The following ANKRD12 variants were observed in gnomAD, a reference collection of about 807,000 sequenced individuals.
ANKRD12 encodes ankyrin repeat domain-containing protein 12.
In ANKRD12, 85 loss-of-function variants were observed where a neutral mutation model predicts 183.4. The observed-to-expected ratio is 0.46, with a 90% CI of 0.39 to 0.56. The LOEUF (loss-of-function observed/expected upper bound fraction) is 0.56, where lower values mean the gene tolerates loss of function less well. Ranked by LOEUF, ANKRD12 falls within the 20% of genes least tolerant of loss-of-function variation. ANKRD12 has a pLI of 0.00. For synonymous variants in ANKRD12, 914 were observed against 800.2 expected, an observed-to-expected ratio of 1.14 and a Z score of -2.40; for missense variants, 2,405 against 2,357.1, an observed-to-expected ratio of 1.02 and a Z score of -0.42.
chr18:9,138,830 G>A (rs1378853812), intron 1 of ANKRD12, among the ~76,000 whole-genome samples: 1 of 152,188 alleles, frequency 6.6e-6, no homozygotes. Context: ...GGGGAGAAAA[G>A]TTTTACTACT....
At position 9,226,699 on chromosome 18, in the gene ANKRD12, C is replaced by T. The variant is rs190642497; in HGVS notation, c.943+4700C>T. On this transcript the variant is annotated intron_variant, in intron 8 of 12. Transcript: ENST00000262126. ...AGCAGCACCTAGACTGTGTGAACTC[C>T]ATTTACATCATCAAAGGAAGGAGAT... 1.5e-3 allele frequency among the ~76,000 whole-genome samples: 229 copies of T among 151,976 alleles called. 4 individuals are homozygous for T. The East Asian group carries it at 0.038, about 25-fold the overall frequency.
intron 10 of ANKRD12, among the ~76,000 whole-genome samples, chr18:9,265,779 T>C (rs2039252836): frequency 6.6e-6 from 1 of 152,000 alleles, no homozygotes; most frequent in Non-Finnish European, 1.5e-5. Flanking sequence ...GATAATGACT[T>C]TTACGAGTTA....
chr18:9,162,460 T>G (rs950408856), intron 1 of ANKRD12, among the ~76,000 whole-genome samples: 1 of 152,186 alleles, frequency 6.6e-6, no homozygotes, highest in African/African-American at 2.4e-5. Context: ...TTGATGGGCA[T>G]TGGGGTTGAT....
At chr18:9,231,600 G>A (rs935801587) in intron 8 of ANKRD12, among the ~76,000 whole-genome samples, 1 of 151,942 alleles carries the variant, frequency 6.6e-6, no homozygotes, top group African/African-American at 2.4e-5. Context: ...GGCCGAGGTG[G>A]GTGGATCATG....
At chr18:9,259,797 G>A (rs975663441) in intron 9 of ANKRD12, 1 of 152,206 alleles carries the variant, frequency 6.6e-6, no homozygotes. Flanking sequence ...CCCACTGTGT[G>A]ATCTTAATTA....
intron 8 of ANKRD12, among the ~76,000 whole-genome samples, chr18:9,241,605 T>G (rs985519451): frequency 3.3e-5 from 5 of 152,182 alleles, no homozygotes; most frequent in Admixed American, 2.6e-4. Flanking sequence ...AAATAGGCAC[T>G]TAGGTATCTG....
chr18:9,263,042 C>T (rs1007285501), intron 9 of ANKRD12, among the ~76,000 whole-genome samples: 2 of 151,742 alleles, frequency 1.3e-5, no homozygotes, highest in Non-Finnish European at 2.9e-5. Flanking sequence ...GTGATCCACC[C>T]ATCTTGGCCT....
chr18:9,159,526 G>C (rs1034187679), intron 1 of ANKRD12, among the ~76,000 whole-genome samples: 3 of 152,070 alleles, frequency 2.0e-5, no homozygotes, highest in Non-Finnish European at 1.5e-5. Context: ...CTGCCTCCCG[G>C]GTTCCTGCCA....
chr18:9,271,745 T>G (rs117598892), intron 10 of ANKRD12, among the ~76,000 whole-genome samples: 5,505 of 152,318 alleles, frequency 0.036, 141 homozygotes, highest in Middle Eastern at 0.12. Flanking sequence ...TATTTGTGAT[T>G]TCTATGAATG....
At position 9,211,641 on chromosome 18, in the gene ANKRD12, C is replaced by T; in HGVS notation, c.509C>T (p.Ser170Phe). The change falls in exon 6 of 13, where the codon TCT becomes TTT. Residue 170 changes from serine (S) to phenylalanine (F), a missense_variant. By Grantham distance (155) the Ser-to-Phe change is radical (BLOSUM62 -2). Coordinates refer to ENST00000262126, the MANE Select transcript of ANKRD12 (RefSeq NM_015208.5). ...CCTGCCCAAAAGAAAACTCCCAGTT[C>T]TTCATCTCGACAGAAAGATAAAGTT... is the stretch of plus-strand genomic sequence containing the variant. ...TTPAQKKTPS[S>F]SSRQKDKVNK... 1.2e-6 allele frequency: 2 copies of T among 1,613,846 alleles called. No homozygotes were observed. Among genetic ancestry groups the T allele is most frequent in the Non-Finnish European group, 1.7e-6 (2 of 1,179,866 alleles).
intron 7 of ANKRD12, 125 bp from the exon 8 acceptor site, chr18:9,221,727 G>A (rs1201829904): frequency 9.9e-6 from 9 of 911,794 alleles, no homozygotes; most frequent in African/African-American, 1.7e-5. Context: ...AGAGTAGATG[G>A]TGAGGAATGG....
chr18:9,178,079 A>G (rs1054066496), intron 1 of ANKRD12, among the ~76,000 whole-genome samples: 5 of 152,134 alleles, frequency 3.3e-5, no homozygotes, highest in Admixed American at 3.3e-4. Context: ...CTGGCTTTTC[A>G]TTTTCTTAAC....
In ANKRD12 at chr18:9,149,178, T is replaced by A. The variant is rs79655584; in HGVS notation, c.-52+12213T>A. Among the ~76,000 whole-genome samples, 76 of 152,308 alleles carry A rather than the reference T, an allele frequency of 5.0e-4. 1 individual carries two copies. In the East Asian group the frequency reaches 0.014, roughly 28 times the overall value. ...TATTCTGCATGGTAACTAAATTGTCTTTTTTCTGTTAAAAACTGTCAGTTC... is the reference window on the plus strand; with the variant it reads ...TATTCTGCATGGTAACTAAATTGTCATTTTTCTGTTAAAAACTGTCAGTTC... On this transcript the variant is annotated intron_variant, in intron 1 of 12. Transcript: ENST00000262126.
At chr18:9,278,330 C>T (rs1172172275) in intron 11 of ANKRD12, among the ~76,000 whole-genome samples, 1 of 152,138 alleles carries the variant, frequency 6.6e-6, no homozygotes, top group Non-Finnish European at 1.5e-5. Context: ...TCAGATCATC[C>T]ATTAGTCTAC....
At chr18:9,148,383 T>C (rs932673890) in intron 1 of ANKRD12, among the ~76,000 whole-genome samples, 1 of 152,202 alleles carries the variant, frequency 6.6e-6, no homozygotes, top group Non-Finnish European at 1.5e-5. Flanking sequence ...ATTGTAAATA[T>C]AACTGCCCAT....
intron 2 of ANKRD12, among the ~76,000 whole-genome samples, chr18:9,189,505 A>G (rs1270552473): frequency 6.6e-6 from 1 of 152,254 alleles, no homozygotes; most frequent in East Asian, 1.9e-4. Context: ...GATACCATGT[A>G]GGACTTTGAA....
At position 9,208,819 on chromosome 18, in the gene ANKRD12, A is replaced by G. The variant is rs778673732; in HGVS notation, c.451+16A>G. ...AACAGTCCAGGTGATACCTACCATC[A>G]TTGAGTTAATGTGTATCCCTAGTTT... On this transcript the variant is annotated intron_variant, in intron 5 of 12. Transcript: ENST00000262126. 41 of 1,528,038 alleles carry G rather than the reference A, an allele frequency of 2.7e-5. No homozygotes were observed. Among genetic ancestry groups the G allele is most frequent in the Admixed American group, 4.0e-5 (2 of 50,298 alleles). The allele number at this position is 1,528,038 out of a possible 1,614,324, so 94.7% of individuals were successfully genotyped here. A position where few individuals can be genotyped will look rare whatever the true frequency, so the allele number is the denominator to read the frequency against.
intron 1 of ANKRD12, among the ~76,000 whole-genome samples, chr18:9,150,684 C>T (rs1052250346): frequency 3.9e-5 from 6 of 151,930 alleles, no homozygotes; most frequent in Admixed American, 3.3e-4. Context: ...GACGGAGTCT[C>T]GCCCTGTTGC....
intron 1 of ANKRD12, among the ~76,000 whole-genome samples, chr18:9,157,034 C>T (rs2143687669): frequency 6.6e-6 from 1 of 152,272 alleles, no homozygotes; most frequent in African/African-American, 2.4e-5. Context: ...TGATCAAGTT[C>T]TAGAGATAGA....
Sources: gnomAD v4.1 joint callset for allele counts (sites outside exome capture counted in the v4.1 genomes callset) on GRCh38, gnomAD v4.1.1 for gene constraint, MANE v1.5 for transcripts, NCBI Gene and HGNC (gene_info 2026-07-23, HGNC 2026-07-21) for gene names.